Variants in DSCAM observed in about 807,000 individuals in gnomAD.
The protein encoded by DSCAM is DS cell adhesion molecule.
DSCAM carries 47 observed loss-of-function variants against 217.7 expected under a neutral mutation model. The ratio of observed to expected loss-of-function variants is 0.22; its 90% CI spans 0.17 to 0.28. The LOEUF is 0.28. Ranked by LOEUF, DSCAM falls within the 10% of genes least tolerant of loss-of-function variation. The pLI is 1.00. For missense variants in DSCAM, 2,080 were observed against 2,618.3 expected, an observed-to-expected ratio of 0.79 and a Z score of 4.49; for synonymous variants, 1,056 against 1,015.3, an observed-to-expected ratio of 1.04 and a Z score of -0.76.
intron 3 of DSCAM, among the ~76,000 whole-genome samples, chr21:40,600,880 C>T (rs1252476332): frequency 6.6e-6 from 1 of 152,186 alleles, no homozygotes; most frequent in Non-Finnish European, 1.5e-5. Flanking sequence ...TCTGAGCCCT[C>T]ATTCTGTTCC....
At chr21:40,211,248 A>AT (rs2091181133) in intron 11 of DSCAM, among the ~76,000 whole-genome samples, 1 of 152,110 alleles carries the variant, frequency 6.6e-6, no homozygotes, top group South Asian at 2.1e-4. Context: ...TGGACCATAG[A>AT]TTTTTCAACC....
At chr21:40,274,887 T>C (rs1387518698) in intron 11 of DSCAM, among the ~76,000 whole-genome samples, 1 of 152,236 alleles carries the variant, frequency 6.6e-6, no homozygotes, top group Non-Finnish European at 1.5e-5. Flanking sequence ...GGATGGATAC[T>C]TGTCTGTTTA....
intron 11 of DSCAM, among the ~76,000 whole-genome samples, chr21:40,258,751 C>T (rs2073408099): frequency 6.6e-6 from 1 of 152,278 alleles, no homozygotes; most frequent in Non-Finnish European, 1.5e-5. Flanking sequence ...CCTTTCTCAG[C>T]ATTCCACAAG....
chr21:40,626,699 G>A (rs969411145), intron 3 of DSCAM, among the ~76,000 whole-genome samples: 2 of 152,108 alleles, frequency 1.3e-5, no homozygotes, highest in African/African-American at 4.8e-5. Flanking sequence ...AGACCTTCCT[G>A]CTTCCCTAAT....
chr21:40,529,300 A>G (rs111565994), intron 3 of DSCAM, among the ~76,000 whole-genome samples: 3,367 of 152,268 alleles, frequency 0.022, 122 homozygotes, highest in African/African-American at 0.076. Context: ...CTCCAGTGCT[A>G]AGAGGCGCTG....
chr21:40,551,457 T>C (rs951018247), intron 3 of DSCAM, among the ~76,000 whole-genome samples: 1 of 152,316 alleles, frequency 6.6e-6, no homozygotes, highest in Admixed American at 6.5e-5. Context: ...TGAAGTCTCA[T>C]AGGTGGCTGC....
intron 8 of DSCAM, among the ~76,000 whole-genome samples, chr21:40,327,761 T>C (rs1403381547): frequency 6.6e-6 from 1 of 152,180 alleles, no homozygotes; most frequent in Non-Finnish European, 1.5e-5. Context: ...TGAAAGGATG[T>C]TAAATTTTGT....
intron 8 of DSCAM, among the ~76,000 whole-genome samples, chr21:40,326,250 C>T (rs1168104622): frequency 2.6e-5 from 4 of 152,204 alleles, no homozygotes; most frequent in East Asian, 3.9e-4. Context: ...CAAAATTCAC[C>T]ATTGGGATTT....
chr21:40,372,439 ACATAGTT>A (rs147374071), intron 3 of DSCAM, among the ~76,000 whole-genome samples: 2,463 of 152,338 alleles, frequency 0.016, 60 homozygotes, highest in African/African-American at 0.055. Flanking sequence ...CAGTTCTAAA[ACATAGTT>A]CATACTTTTT....
chr21:40,337,823 G>T (rs182256799), intron 8 of DSCAM, among the ~76,000 whole-genome samples: 2 of 152,292 alleles, frequency 1.3e-5, no homozygotes, highest in Non-Finnish European at 2.9e-5. Context: ...TGAAGCTAAT[G>T]ATGTGCTCCT....
At chr21:40,650,523 C>T (rs958302935) in intron 3 of DSCAM, among the ~76,000 whole-genome samples, 1 of 152,210 alleles carries the variant, frequency 6.6e-6, no homozygotes, top group Non-Finnish European at 1.5e-5. Context: ...GGGCTGGCGT[C>T]GTCCAGTTCT....
chr21:40,347,568 T>C (rs1219225998), intron 6 of DSCAM, 102 bp downstream of exon 6: 4 of 1,507,022 alleles, frequency 2.7e-6, no homozygotes, highest in South Asian at 1.3e-5. Context: ...ACAGAGAGCC[T>C]AGAACTGAGC....
chr21:40,252,601 G>T (rs1303973550), intron 11 of DSCAM, among the ~76,000 whole-genome samples: 1 of 152,038 alleles, frequency 6.6e-6, no homozygotes, highest in Non-Finnish European at 1.5e-5. Context: ...CTGTGTAATT[G>T]TTATAATCAG....
intron 32 of DSCAM, among the ~76,000 whole-genome samples, chr21:40,036,020 A>G (rs200287291): frequency 0.18 from 18,014 of 102,110 alleles, 2,385 homozygotes; most frequent in Middle Eastern, 0.31. Context: ...AAAGCAGTGT[A>G]TAGAGGGAAA....
chr21:40,474,775 C>T (rs995719961), intron 3 of DSCAM, among the ~76,000 whole-genome samples: 2 of 152,182 alleles, frequency 1.3e-5, no homozygotes, highest in Admixed American at 1.3e-4. Flanking sequence ...CGAGTGCGTG[C>T]GTTCTGCCTG....
chr21:40,686,488 T>G (rs2090480044), intron 3 of DSCAM, among the ~76,000 whole-genome samples: 2 of 152,150 alleles, frequency 1.3e-5, no homozygotes. Context: ...CCTCCTGATA[T>G]CCTCTGGGCT....
chr21:40,836,921 C>T (rs560515624), intron 1 of DSCAM, among the ~76,000 whole-genome samples: 12 of 152,216 alleles, frequency 7.9e-5, no homozygotes, highest in African/African-American at 2.7e-4. Context: ...TTCCCCACAA[C>T]GCTGGCATCA....
At chr21:40,462,214 A>G (rs1043757783) in intron 3 of DSCAM, among the ~76,000 whole-genome samples, 1 of 152,174 alleles carries the variant, frequency 6.6e-6, no homozygotes, top group Non-Finnish European at 1.5e-5. Context: ...CATACCACCC[A>G]CAAACAGGAA....
chr21:40,349,015 T>C (rs2074597961), intron 5 of DSCAM, among the ~76,000 whole-genome samples: 1 of 151,106 alleles, frequency 6.6e-6, no homozygotes, highest in Non-Finnish European at 1.5e-5. Context: ...CGGGCTCCTG[T>C]AGTCCCATGT....
Sources: gnomAD v4.1 joint callset for allele counts (sites outside exome capture counted in the v4.1 genomes callset) on GRCh38, gnomAD v4.1.1 for gene constraint, MANE v1.5 for transcripts, NCBI Gene and HGNC (gene_info 2026-07-23, HGNC 2026-07-21) for gene names.